The following STK32B variants were observed in gnomAD, a reference collection of about 807,000 sequenced individuals.
STK32B encodes serine/threonine-protein kinase 32B.
In STK32B, 43 loss-of-function variants were observed where a neutral mutation model predicts 52.6. The ratio of observed to expected loss-of-function variants is 0.82; its 90% CI spans 0.64 to 1.05. STK32B has a LOEUF of 1.05. STK32B is among the 50% of genes least tolerant of loss of function. STK32B has a pLI of 0.00. For missense variants in STK32B, 621 were observed against 534.6 expected (o/e 1.16, Z -1.59); for synonymous variants, 238 against 204.3 (o/e 1.17, Z -1.41).
chr4:5,392,561 C>T (rs1021336434), intron 4 of STK32B, among the ~76,000 whole-genome samples: 15 of 151,998 alleles, frequency 9.9e-5, no homozygotes, highest in Non-Finnish European at 1.3e-4. Context: ...TTTCCCCACC[C>T]ACAGAGAGAG....
chr4:5,263,397 G>T (rs989659387), intron 3 of STK32B, among the ~76,000 whole-genome samples: 1 of 152,176 alleles, frequency 6.6e-6, no homozygotes, highest in Non-Finnish European at 1.5e-5. Context: ...GTCATCCCAT[G>T]TGTTCCCATT....
At chr4:5,321,761 C>T (rs1276882964) in intron 3 of STK32B, among the ~76,000 whole-genome samples, 4 of 152,132 alleles carry the variant, frequency 2.6e-5, no homozygotes, top group South Asian at 2.1e-4. Flanking sequence ...ACGGGGGCAC[C>T]GTGGACCTGA....
intron 2 of STK32B, among the ~76,000 whole-genome samples, chr4:5,143,072 C>A (rs886096025): frequency 2.0e-5 from 3 of 151,186 alleles, no homozygotes; most frequent in African/African-American, 7.3e-5. Context: ...TGAACCAGTT[C>A]TTTAAAATAA....
At chr4:5,262,369 G>A (rs1170442546) in intron 3 of STK32B, among the ~76,000 whole-genome samples, 1 of 151,932 alleles carries the variant, frequency 6.6e-6, no homozygotes. Context: ...GCTCACACCT[G>A]TAATCCCAGC....
chr4:5,484,186 G>A (rs907049449), intron 11 of STK32B, among the ~76,000 whole-genome samples: 1 of 152,036 alleles, frequency 6.6e-6, no homozygotes, highest in African/African-American at 2.4e-5. Context: ...TTGACAGTGG[G>A]GTGTTAAAGT....
rs1234089565 is a variant in STK32B at position 5,159,708 on chromosome 4, T to TGA, written c.109-8591_109-8590insGA. Among the ~76,000 whole-genome samples the TGA allele has an allele frequency of 1.1e-4, 12 of 108,766 alleles. 2 individuals are homozygous for TGA. Among genetic ancestry groups the TGA allele is most frequent in the East Asian group, 4.4e-4 (2 of 4,496 alleles). The allele number at this position is 108,766 out of a possible 152,430, so 71.4% of individuals were successfully genotyped here. On this transcript the variant is annotated intron_variant, in intron 2 of 11. Coordinates refer to ENST00000282908, the MANE Select transcript of STK32B (RefSeq NM_018401.3). ...ATGAATATATATGAATATATATGAA[T>TGA]ATATATATGAATGTATATGAATATA...
rs116061605 is a variant in STK32B, at chr4:5,204,443, T to C, written c.260+35993T>C. Among the ~76,000 whole-genome samples, 266 of 104,522 alleles carry C rather than the reference T, an allele frequency of 2.5e-3. 1 individual carries two copies. The highest frequency in any genetic ancestry group is 8.7e-3 in the African/African-American group (259 of 29,862). 68.6% of individuals were successfully genotyped at this position (104,522 alleles called of 152,430 possible). A position where few individuals can be genotyped will look rare whatever the true frequency, so the allele number is the denominator to read the frequency against. On this transcript the variant is annotated intron_variant, in intron 3 of 11. Coordinates refer to ENST00000282908, the MANE Select transcript of STK32B (RefSeq NM_018401.3). ...GTTTTTTAGGTTTTTTTTGTTTGTT[T>C]TTGTTTTTTAGGTTTTTTTGTTTTG... is the stretch of plus-strand genomic sequence containing the variant.
chr4:5,059,313 A>G (rs543599009), intron 1 of STK32B, among the ~76,000 whole-genome samples: 6 of 152,060 alleles, frequency 3.9e-5, no homozygotes, highest in African/African-American at 1.2e-4. Context: ...TGCATTCACT[A>G]TTTTACAATT....
At chr4:5,321,822 C>T (rs980246618) in intron 3 of STK32B, among the ~76,000 whole-genome samples, 4 of 152,144 alleles carry the variant, frequency 2.6e-5, no homozygotes, top group Non-Finnish European at 4.4e-5. Flanking sequence ...ACTGCCTCTG[C>T]CTGGAGGTGC....
At position 5,269,254 on chromosome 4, in the gene STK32B, C is replaced by T. The variant is rs577793795; in HGVS notation, c.261-61966C>T. ...TGCTCACACAGGGCTGAGAAAAGTG[C>T]CCATGCCCACCAGCCAGACCACAAA... On this transcript the variant is annotated intron_variant, in intron 3 of 11. Transcript: ENST00000282908. Among the ~76,000 whole-genome samples the T allele has an allele frequency of 4.6e-5, 7 of 152,210 alleles. No individual in the cohort carries two copies. The East Asian group carries it at 1.4e-3, about 29-fold the overall frequency.
intron 3 of STK32B, among the ~76,000 whole-genome samples, chr4:5,250,117 A>G (rs968445499): frequency 6.6e-6 from 1 of 152,136 alleles, no homozygotes; most frequent in African/African-American, 2.4e-5. Flanking sequence ...ATACTTTTCC[A>G]TGGTGTATAT....
At chr4:5,251,483 C>T (rs1725924424) in intron 3 of STK32B, among the ~76,000 whole-genome samples, 1 of 151,848 alleles carries the variant, frequency 6.6e-6, no homozygotes. Context: ...TTACTGTAGC[C>T]CTTTAGTATA....
chr4:5,311,915 T>TATATATA (rs1228362253), intron 3 of STK32B, among the ~76,000 whole-genome samples: 4,174 of 135,452 alleles, frequency 0.031, 152 homozygotes, highest in African/African-American at 0.1. Flanking sequence ...TATATATATA[T>TATATATA]TTTTTTTTAA....
At position 5,498,995 on chromosome 4, in the gene STK32B, G is replaced by C; in HGVS notation, c.1157G>C (p.Arg386Pro). ...AGCCAGCTCTTGGACACCGACAGCC[G>C]AGGGGGAGGCCAGGCCCAAAGCAAG... ...QGSQLLDTDS[R>P]GGGQAQSKLQ... Residue 386 changes from arginine (R) to proline (P), a missense_variant, in exon 12 of 12, where the codon CGA (arginine) becomes CCA (proline). Physicochemically the swap from Arg to Pro is moderately radical, Grantham distance 103. Transcript: ENST00000282908. 1 of 1,613,864 alleles carries C rather than the reference G, an allele frequency of 6.2e-7. No individual in the cohort carries two copies. Among genetic ancestry groups the C allele is most frequent in the Non-Finnish European group, 8.5e-7 (1 of 1,179,838 alleles).
At chr4:5,392,172 C>A (rs377544574) in intron 4 of STK32B, among the ~76,000 whole-genome samples, 1 of 152,210 alleles carries the variant, frequency 6.6e-6, no homozygotes, top group South Asian at 2.1e-4. Flanking sequence ...TGATGGCTCA[C>A]GCCTGTAATC....
chr4:5,024,859 T>C, the STK32B span, among the ~76,000 whole-genome samples: 1 of 152,228 alleles, frequency 6.6e-6, no homozygotes, highest in South Asian at 2.1e-4. Context: ...ATGTCATCCA[T>C]GGGCAGTTAC....
At chr4:5,074,722 A>G (rs750805243) in intron 1 of STK32B, among the ~76,000 whole-genome samples, 1 of 152,130 alleles carries the variant, frequency 6.6e-6, no homozygotes, top group Non-Finnish European at 1.5e-5. Flanking sequence ...TATTTCAGAT[A>G]TTGTATCTCT....
intron 4 of STK32B, among the ~76,000 whole-genome samples, chr4:5,376,066 C>T (rs1189090120): frequency 6.6e-6 from 1 of 152,160 alleles, no homozygotes; most frequent in East Asian, 1.9e-4. Flanking sequence ...CAGCCCCCAG[C>T]ACACCCCATC....
chr4:5,440,912 G>C (rs1328644724), intron 6 of STK32B, among the ~76,000 whole-genome samples: 2 of 151,174 alleles, frequency 1.3e-5, no homozygotes, highest in Non-Finnish European at 2.9e-5. Flanking sequence ...TACATTTATT[G>C]ATTTGTGTAT....
Sources: allele counts gnomAD v4.1 joint callset (sites outside exome capture counted in the v4.1 genomes callset), GRCh38; gene constraint gnomAD v4.1.1; transcripts MANE v1.5; gene names NCBI Gene and HGNC (gene_info 2026-07-23, HGNC 2026-07-21).